The following MYO1H variants were observed in gnomAD, a reference collection of about 807,000 sequenced individuals.
The protein encoded by MYO1H is unconventional myosin-Ih.
In MYO1H, 118 loss-of-function variants were observed where a neutral mutation model predicts 149.3. That is an observed-to-expected ratio of 0.79 (90% confidence interval 0.68 to 0.92). The LOEUF (loss-of-function observed/expected upper bound fraction) is 0.92, where lower values mean the gene tolerates loss of function less well. Ranked by LOEUF, MYO1H falls within the 40% of genes least tolerant of loss-of-function variation. The pLI is 0.00. For synonymous variants in MYO1H, 447 were observed against 465.2 expected (o/e 0.96, Z 0.50); for missense variants, 1,212 against 1,280.7 (o/e 0.95, Z 0.82).
chr12:109,317,109 C>G, the MYO1H span, among the ~76,000 whole-genome samples: 1 of 152,118 alleles, frequency 6.6e-6, no homozygotes. Flanking sequence ...TTAATCTGCC[C>G]TTGAGATGAA....
At chr12:109,339,546 T>C in the MYO1H span, among the ~76,000 whole-genome samples, 1 of 152,180 alleles carries the variant, frequency 6.6e-6, no homozygotes, top group Non-Finnish European at 1.5e-5. Flanking sequence ...TGAAAAATCC[T>C]AAATAATGTT....
intron 27 of MYO1H, among the ~76,000 whole-genome samples, chr12:109,442,923 A>G (rs1351624448): frequency 1.3e-5 from 2 of 148,776 alleles, no homozygotes; most frequent in East Asian, 4.0e-4. Context: ...AGGCAGCCAT[A>G]GCCTTGACTT....
At chr12:109,432,978 C>A (rs750786448) in exon 20 of MYO1H, 9 of 1,614,040 alleles carry the variant, frequency 5.6e-6, no homozygotes, top group Non-Finnish European at 5.9e-6. Context: ...TCAAGTACAT[C>A]GGCTACAAAC....
At chr12:109,311,911 A>G in the MYO1H span, among the ~76,000 whole-genome samples, 27 of 152,340 alleles carry the variant, frequency 1.8e-4, no homozygotes, top group East Asian at 4.8e-3. Context: ...TTCCAGTTCT[A>G]TGCAGTGGAA....
chr12:109,312,671 G>A, the MYO1H span, among the ~76,000 whole-genome samples: 1 of 152,114 alleles, frequency 6.6e-6, no homozygotes, highest in African/African-American at 2.4e-5. Context: ...TATGTGATTT[G>A]TAGTAATGAT....
intron 23 of MYO1H, 23 bp downstream of exon 23, chr12:109,438,643 G>T: frequency 6.4e-7 from 1 of 1,569,808 alleles, no homozygotes; most frequent in Non-Finnish European, 8.7e-7. Context: ...GTACAACAGA[G>T]AGGACAGGTC....
chr12:109,416,251 C>A (rs1224368152), intron 15 of MYO1H, among the ~76,000 whole-genome samples: 4 of 152,070 alleles, frequency 2.6e-5, no homozygotes, highest in African/African-American at 4.8e-5. Flanking sequence ...CATTTTATCA[C>A]CCCCAAAAGA....
At chr12:109,346,849 G>C (rs750576258), upstream of MYO1H, among the ~76,000 whole-genome samples, 3 of 151,956 alleles carry the variant, frequency 2.0e-5, no homozygotes, top group Non-Finnish European at 4.4e-5. Flanking sequence ...TACTATTTCT[G>C]GTTGTCCCTT....
At chr12:109,388,069 T>G (rs1869454334) in intron 1 of MYO1H, among the ~76,000 whole-genome samples, 1 of 152,170 alleles carries the variant, frequency 6.6e-6, no homozygotes, top group Non-Finnish European at 1.5e-5. Context: ...TGTCCTTCCT[T>G]AAATATTCCT....
chr12:109,438,405 A>G lies in MYO1H; in HGVS notation c.2210-131A>G, dbSNP rs1871963669. The G allele has an allele frequency of 7.1e-6, 5 of 707,078 alleles. No homozygotes were observed. In the South Asian group the frequency reaches 7.9e-5, roughly 11 times the overall value. 43.8% of individuals were successfully genotyped at this position (707,078 alleles called of 1,614,324 possible). ...ACTGATGACATTCATCCGACCTTCCATCTCTGAGGCTAACAGAGTGCTGCG... is the reference window on the plus strand; with the variant it reads ...ACTGATGACATTCATCCGACCTTCCGTCTCTGAGGCTAACAGAGTGCTGCG... On this transcript the variant is annotated intron_variant, in intron 22 of 31. Coordinates refer to ENST00000310903, the Ensembl canonical transcript of MYO1H.
intron 3 of MYO1H, among the ~76,000 whole-genome samples, chr12:109,395,549 C>T (rs1869851834): frequency 6.6e-6 from 1 of 152,056 alleles, no homozygotes; most frequent in South Asian, 2.1e-4. Context: ...GCCTGATCAA[C>T]ATGGTGAAAC....
chr12:109,378,712 G>T (rs1044494211), intron 1 of MYO1H, among the ~76,000 whole-genome samples: 1 of 152,080 alleles, frequency 6.6e-6, no homozygotes, highest in Non-Finnish European at 1.5e-5. Flanking sequence ...CCCTGGTGAG[G>T]GCCTCAGGCT....
At chr12:109,412,876 C>G (rs1364048649) in intron 14 of MYO1H, among the ~76,000 whole-genome samples, 1 of 152,142 alleles carries the variant, frequency 6.6e-6, no homozygotes, top group Non-Finnish European at 1.5e-5. Flanking sequence ...ACCTCCGCCT[C>G]CTGGGTTTAA....
At chr12:109,382,606 A>G (rs1331910634) in intron 1 of MYO1H, among the ~76,000 whole-genome samples, 1 of 152,106 alleles carries the variant, frequency 6.6e-6, no homozygotes, top group Non-Finnish European at 1.5e-5. Flanking sequence ...ATATAGGTAT[A>G]TAAGTGCATG....
At chr12:109,357,259 A>G (rs1385250664) in intron 1 of MYO1H, 1 of 152,222 alleles carries the variant, frequency 6.6e-6, no homozygotes, top group African/African-American at 2.4e-5. Flanking sequence ...GGTGCTGTGA[A>G]CACAGAGCTG....
chr12:109,444,190 C>T (rs776809541), intron 28 of MYO1H, 23 bp from the exon 29 acceptor site: 6 of 1,598,586 alleles, frequency 3.8e-6, no homozygotes, highest in Middle Eastern at 1.7e-4. Context: ...GTTCTTGGCT[C>T]CTAACTCTGG....
chr12:109,410,898 T>C (rs1389959899), intron 13 of MYO1H, 130 bp downstream of exon 13: 9 of 640,708 alleles, frequency 1.4e-5, no homozygotes, highest in Admixed American at 5.6e-5. Flanking sequence ...TTCCAACACT[T>C]TGGGAGGCCG....
At chr12:109,420,215 G>A (rs2338102) in intron 15 of MYO1H, among the ~76,000 whole-genome samples, 17,459 of 152,130 alleles carry the variant, frequency 0.11, 1,530 homozygotes, top group African/African-American at 0.24. Context: ...ATATTTATAC[G>A]ACAGCTCATC....
chr12:109,406,895 TCC>T, intron 9 of MYO1H, 35 bp downstream of exon 9: 6 of 1,583,494 alleles, frequency 3.8e-6, no homozygotes, highest in Non-Finnish European at 5.2e-6. Flanking sequence ...GTGCCAGCCC[TCC>T]CTGCTGCTGC....
Sources: gnomAD v4.1 joint callset for allele counts (sites outside exome capture counted in the v4.1 genomes callset) on GRCh38, gnomAD v4.1.1 for gene constraint, MANE v1.5 for transcripts, NCBI Gene and HGNC (gene_info 2026-07-23, HGNC 2026-07-21) for gene names.